SCD5: variants seen among roughly 807,000 people sequenced by gnomAD.
SCD5 encodes acyl-CoA-desaturase 4.
A neutral mutation model predicts 30.4 loss-of-function variants in SCD5; 20 were observed. The observed-to-expected ratio is 0.66, with a 90% CI of 0.46 to 0.96. The LOEUF (loss-of-function observed/expected upper bound fraction) is 0.96, where lower values mean the gene tolerates loss of function less well. Among genes scored for constraint, SCD5 ranks in the 40% least tolerant of loss-of-function variants. SCD5 has a pLI of 0.00. For synonymous variants in SCD5, 173 were observed against 176.4 expected (o/e 0.98, Z 0.16); for missense variants, 381 against 443.3 (o/e 0.86, Z 1.26).
At chr4:82,664,853 T>C (rs1728132721) in intron 3 of SCD5, among the ~76,000 whole-genome samples, 1 of 151,328 alleles carries the variant, frequency 6.6e-6, no homozygotes, top group Non-Finnish European at 1.5e-5. Flanking sequence ...AAGCCATGCA[T>C]TGTGGCTCAT....
intron 1 of SCD5, among the ~76,000 whole-genome samples, chr4:82,778,390 A>G (rs536137353): frequency 1.3e-5 from 2 of 152,366 alleles, no homozygotes; most frequent in East Asian, 3.9e-4. Flanking sequence ...TCACAAAGTT[A>G]GTAACTTACA....
At chr4:82,688,286 G>A (rs906318771) in intron 2 of SCD5, among the ~76,000 whole-genome samples, 1 of 152,090 alleles carries the variant, frequency 6.6e-6, no homozygotes, top group African/African-American at 2.4e-5. Context: ...ATGCATGCAT[G>A]TACATGTGCA....
chr4:82,747,081 A>G (rs1021436168), intron 1 of SCD5, among the ~76,000 whole-genome samples: 2 of 111,888 alleles, frequency 1.8e-5, no homozygotes, highest in Admixed American at 8.7e-5. Flanking sequence ...CCCCCAAGAA[A>G]GACGACCTTC....
intron 1 of SCD5, among the ~76,000 whole-genome samples, chr4:82,711,705 TA>T (rs58582191): frequency 0.026 from 3,728 of 146,034 alleles, 60 homozygotes; most frequent in South Asian, 0.097. Flanking sequence ...GACCTTGTCT[TA>T]AAAAAAAAAA....
intron 2 of SCD5, among the ~76,000 whole-genome samples, chr4:82,682,067 G>A (rs977750723): frequency 1.3e-5 from 2 of 152,340 alleles, no homozygotes; most frequent in East Asian, 1.9e-4. Context: ...TTGGCTCCTT[G>A]GGAACCTGGT....
intron 2 of SCD5, among the ~76,000 whole-genome samples, chr4:82,700,326 C>T (rs1315264391): frequency 1.3e-5 from 2 of 151,992 alleles, no homozygotes; most frequent in East Asian, 3.9e-4. Flanking sequence ...AAACTCCAAG[C>T]AGGATACATA....
At chr4:82,794,307 C>T (rs1722161448) in intron 1 of SCD5, among the ~76,000 whole-genome samples, 1 of 152,206 alleles carries the variant, frequency 6.6e-6, no homozygotes. Flanking sequence ...ATGCCTGGTG[C>T]TGTCACTGAA....
intron 3 of SCD5, among the ~76,000 whole-genome samples, chr4:82,642,486 C>T (rs1290825047): frequency 6.6e-6 from 1 of 152,214 alleles, no homozygotes; most frequent in East Asian, 1.9e-4. Context: ...TCTTCTTAAA[C>T]TGAACCACAT....
At chr4:82,745,300 T>C (rs1008643035) in intron 1 of SCD5, among the ~76,000 whole-genome samples, 2 of 152,168 alleles carry the variant, frequency 1.3e-5, no homozygotes, top group African/African-American at 4.8e-5. Flanking sequence ...GGTTTTCTAA[T>C]TCATGGGGAG....
At chr4:82,689,986 A>C (rs1285614114) in intron 2 of SCD5, among the ~76,000 whole-genome samples, 1 of 152,236 alleles carries the variant, frequency 6.6e-6, no homozygotes, top group Non-Finnish European at 1.5e-5. Context: ...AGTACATTTC[A>C]AAAATATTGA....
In SCD5 at chr4:82,791,967, G is replaced by C. The variant is rs941640630; in HGVS notation, c.232+6339C>G. 2.0e-5 allele frequency among the ~76,000 whole-genome samples: 3 copies of C among 152,152 alleles called. No homozygotes were observed. The East Asian group carries it at 5.8e-4, about 29-fold the overall frequency. On this transcript the variant is annotated intron_variant, in intron 1 of 4. Coordinates refer to ENST00000319540, the MANE Select transcript of SCD5 (RefSeq NM_001037582.3). ...CATGACTAAATATTTGGATTTAAAA[G>C]CTGTGCCTGGCCGGGCACGCTGGCT...
chr4:82,709,966 TA>T (rs1720048964), intron 1 of SCD5, among the ~76,000 whole-genome samples: 1 of 152,204 alleles, frequency 6.6e-6, no homozygotes, highest in Non-Finnish European at 1.5e-5. Flanking sequence ...ATTTCCATTT[TA>T]CAGATTTGCA....
intron 1 of SCD5, among the ~76,000 whole-genome samples, chr4:82,794,230 T>A (rs1722159327): frequency 6.6e-6 from 1 of 152,124 alleles, no homozygotes; most frequent in African/African-American, 2.4e-5. Flanking sequence ...AATGGTCACG[T>A]TTGCGCCAAG....
At chr4:82,704,582 A>G (rs1277056712) in intron 2 of SCD5, among the ~76,000 whole-genome samples, 1 of 152,322 alleles carries the variant, frequency 6.6e-6, no homozygotes, top group Non-Finnish European at 1.5e-5. Context: ...AGCTCCCTGC[A>G]GTTTTCATTG....
intron 3 of SCD5, among the ~76,000 whole-genome samples, chr4:82,644,654 A>G (rs139673811): frequency 2.0e-5 from 3 of 152,348 alleles, no homozygotes; most frequent in African/African-American, 4.8e-5. Context: ...CAATCATGCA[A>G]TAACTGTGCA....
intron 3 of SCD5, among the ~76,000 whole-genome samples, chr4:82,669,800 G>A (rs944802723): frequency 2.0e-5 from 3 of 152,070 alleles, no homozygotes; most frequent in Non-Finnish European, 4.4e-5. Context: ...ACCTACCTTC[G>A]GGAGAAACTA....
At chr4:82,760,709 C>T (rs568877563) in intron 1 of SCD5, among the ~76,000 whole-genome samples, 1 of 152,316 alleles carries the variant, frequency 6.6e-6, no homozygotes, top group Admixed American at 6.5e-5. Context: ...TTAGAACCTC[C>T]CCCATCCCTG....
intron 3 of SCD5, among the ~76,000 whole-genome samples, chr4:82,654,236 G>A (rs1362702685): frequency 1.3e-5 from 2 of 152,156 alleles, no homozygotes; most frequent in African/African-American, 4.8e-5. Context: ...CTTTTTATCT[G>A]TGTGACAGAT....
chr4:82,640,790 C>T (rs949682149), intron 3 of SCD5, among the ~76,000 whole-genome samples: 24 of 152,166 alleles, frequency 1.6e-4, no homozygotes, highest in African/African-American at 3.1e-4. Context: ...ATGGTCTGGC[C>T]AAGGGGCCAC....
Sources: allele counts gnomAD v4.1 joint callset (sites outside exome capture counted in the v4.1 genomes callset), GRCh38; gene constraint gnomAD v4.1.1; transcripts MANE v1.5; gene names NCBI Gene and HGNC (gene_info 2026-07-23, HGNC 2026-07-21).